The following SLC37A2 variants were observed in gnomAD, a reference collection of about 807,000 sequenced individuals.
SLC37A2 encodes solute carrier family 37 member 2, also known as glucose-6-phosphate exchanger SLC37A2.
SLC37A2 carries 59 observed loss-of-function variants against 70.7 expected under a neutral mutation model. The ratio of observed to expected loss-of-function variants is 0.83; its 90% CI spans 0.68 to 1.04. The LOEUF (loss-of-function observed/expected upper bound fraction) is 1.04. Among genes scored for constraint, SLC37A2 ranks in the 50% least tolerant of loss-of-function variants. The pLI, the probability that SLC37A2 is intolerant of heterozygous loss-of-function variation, is 0.00. For synonymous variants in SLC37A2, 257 were observed against 262.1 expected (o/e 0.98, Z 0.19); for missense variants, 580 against 658.1 (o/e 0.88, Z 1.30).
chr11:125,079,742 A>G lies in SLC37A2; in HGVS notation c.509A>G (p.Asn170Ser), dbSNP rs1949127435. ...CCCTCTGTGGTGACCTGTGTTGGCA[A>G]CTGGTTCGGGAAGGGGAAGTGAGTG... ...GWPSVVTCVG[N>S]WFGKGKRGFI... Residue 170 changes from asparagine to serine, a missense_variant, in exon 6 of 18, where the codon AAC becomes AGC. Physicochemically the swap from Asn to Ser is conservative, Grantham distance 46. Coordinates refer to ENST00000403796, the MANE Select transcript of SLC37A2 (RefSeq NM_001145290.2). 2 of 1,610,116 alleles carry G rather than the reference A, an allele frequency of 1.2e-6. No individual in the cohort carries two copies. Among genetic ancestry groups the G allele is most frequent in the Non-Finnish European group, 1.7e-6 (2 of 1,178,100 alleles).
At chr11:125,070,414 C>T (rs1949018275) in intron 1 of SLC37A2, among the ~76,000 whole-genome samples, 1 of 152,152 alleles carries the variant, frequency 6.6e-6, no homozygotes, top group African/African-American at 2.4e-5. Context: ...TTATAACACT[C>T]TCGTGCAGCA....
intron 1 of SLC37A2, among the ~76,000 whole-genome samples, chr11:125,066,220 A>C (rs1263266129): frequency 2.0e-5 from 3 of 152,226 alleles, no homozygotes; most frequent in Non-Finnish European, 4.4e-5. Flanking sequence ...TGCTTTTCTG[A>C]GACAGTATTT....
chr11:125,083,454 G>C lies in SLC37A2; in HGVS notation c.977-361G>C. 4.4e-6 allele frequency: 1 copy of C among 229,196 alleles called. No homozygotes were observed. Among genetic ancestry groups the C allele is most frequent in the Non-Finnish European group, 8.7e-6 (1 of 115,032 alleles). The allele number at this position is 229,196 out of a possible 1,614,324, so 14.2% of individuals were successfully genotyped here. ...ACGGGAAGAGTTCCTAGTGCTGCTA[G>C]GGCCGGAGTGAAGCAGAGAAAGGGC... On this transcript the variant is annotated intron_variant, in intron 10 of 17. Transcript: ENST00000403796. This position sits in a 1 kb window ranked among gnomAD's most constrained non-coding sequence, Gnocchi z 4.6.
chr11:125,073,288 G>A (rs1399377037), intron 1 of SLC37A2, among the ~76,000 whole-genome samples: 1 of 152,240 alleles, frequency 6.6e-6, no homozygotes, highest in African/African-American at 2.4e-5. Context: ...CACCATGGAA[G>A]GCCAGAGCTC....
At chr11:125,081,260 G>A (rs1462035826) in intron 7 of SLC37A2, among the ~76,000 whole-genome samples, 161 bp from the exon 8 acceptor site, 1 of 151,904 alleles carries the variant, frequency 6.6e-6, no homozygotes, top group Non-Finnish European at 1.5e-5. Flanking sequence ...CCCAGGCCCC[G>A]CTCCCTCCTG....
At chr11:125,070,573 C>G (rs1301605778) in intron 1 of SLC37A2, among the ~76,000 whole-genome samples, 1 of 152,210 alleles carries the variant, frequency 6.6e-6, no homozygotes, top group Non-Finnish European at 1.5e-5. Flanking sequence ...GTCCTATGGG[C>G]TAGCTCTCTC....
At position 125,075,797 on chromosome 11, in the gene SLC37A2, T is replaced by G. The variant is rs555226596; in HGVS notation, c.60-960T>G. 5.3e-5 allele frequency among the ~76,000 whole-genome samples: 8 copies of G among 152,292 alleles called. No individual in the cohort carries two copies. In the South Asian group the frequency reaches 6.2e-4, roughly 12 times the overall value. ...CGAGGGAGCATCCAGTGTCCTGCCCTTGGGCTCTTGGAGCCAGGACAGAAA... is the reference window on the plus strand; with the variant it reads ...CGAGGGAGCATCCAGTGTCCTGCCCGTGGGCTCTTGGAGCCAGGACAGAAA... On this transcript the variant is annotated intron_variant, in intron 1 of 17. Coordinates refer to ENST00000403796, the MANE Select transcript of SLC37A2 (RefSeq NM_001145290.2).
chr11:125,079,692 T>A lies in SLC37A2; in HGVS notation c.459T>A (p.Asn153Lys). The stretch of plus-strand genomic sequence containing the variant: ...CTTCTCTCTCCCTGCAGGTCTGTAA[T>A]GGACTCGTCCAGACCACAGGCTGGC... ...LWYFVVIQVC[N>K]GLVQTTGWPS... Residue 153 changes from asparagine (N) to lysine (K), a missense_variant, in exon 6 of 18, where the codon AAT becomes AAA. Transcript: ENST00000403796. 1 of 1,603,356 alleles carries A rather than the reference T, an allele frequency of 6.2e-7. No individual in the cohort carries two copies. The highest frequency in any genetic ancestry group is 2.2e-5 in the East Asian group (1 of 44,712).
In SLC37A2 at chr11:125,088,629, G is replaced by C. The variant is rs1345766643; in HGVS notation, c.*495G>C. ...CAGTCTTCTCTGTGCATTTCCCCAA[G>C]CTGGGCCCTCTTCTACTCTCCATTT... On this transcript the variant is annotated 3_prime_UTR_variant, in exon 18 of 18. Transcript: ENST00000403796. 1 of 154,170 alleles carries C rather than the reference G, an allele frequency of 6.5e-6. No individual in the cohort carries two copies. Among genetic ancestry groups the C allele is most frequent in the African/African-American group, 2.4e-5 (1 of 41,484 alleles). 9.6% of individuals were successfully genotyped at this position (154,170 alleles called of 1,614,324 possible). A position where few individuals can be genotyped will look rare whatever the true frequency, so the allele number is the denominator to read the frequency against.
At position 125,084,169 on chromosome 11, in the gene SLC37A2, G is replaced by A; in HGVS notation, c.1040-65G>A. On this transcript the variant is annotated intron_variant, in intron 11 of 17. Transcript: ENST00000403796. ...AGGCCAGCACTGGGGCACAGCTGGG[G>A]TGCCAGGCGAGGGGATGGCAGGGTC... The A allele has an allele frequency of 5.7e-6, 9 of 1,568,580 alleles. No homozygotes were observed. In the Admixed American group the frequency reaches 1.5e-4, roughly 26 times the overall value.
rs1435948478 is a variant in SLC37A2, at chr11:125,077,304, G to A, written c.216G>A (p.Trp72Ter). The A allele has an allele frequency of 1.1e-5, 18 of 1,606,718 alleles. No individual in the cohort carries two copies. The highest frequency in any genetic ancestry group is 1.5e-5 in the Non-Finnish European group (18 of 1,176,430). ...CTCACAGTCTCAATGACACCATGTG[G>A]TGCAGCTGGGCCCCATTTGGTAAGA... ...NDTHSLNDTM[W>*]CSWAPFDKDN... The change falls in exon 3 of 18, where the codon TGG becomes TGA. Residue 72 changes from tryptophan to a stop codon, truncating the protein, a stop_gained. Transcript: ENST00000403796. LOFTEE classifies it high-confidence loss of function.
At chr11:125,078,661 A>G (rs1489899897) in intron 4 of SLC37A2, among the ~76,000 whole-genome samples, 2 of 152,062 alleles carry the variant, frequency 1.3e-5, no homozygotes, top group African/African-American at 4.8e-5. Context: ...TGGTGGGAAG[A>G]GGAAGAGGAA....
Position 125,082,241 on chromosome 11 carries a change from C to T in SLC37A2, c.886-3C>T, listed in dbSNP as rs770549633. 6.2e-7 allele frequency: 1 copy of T among 1,613,938 alleles called. No homozygotes were observed. The highest frequency in any genetic ancestry group is 8.5e-7 in the Non-Finnish European group (1 of 1,179,914). ...CCCATGTGCCCCCTGTTGCACTCCC[C>T]AGGGCGTGGTCGAGTTCTCTCTGTG... On this transcript the variant is annotated splice_region_variant and splice_polypyrimidine_tract_variant and intron_variant, in intron 9 of 17. Coordinates refer to ENST00000403796, the MANE Select transcript of SLC37A2 (RefSeq NM_001145290.2).
intron 1 of SLC37A2, among the ~76,000 whole-genome samples, chr11:125,073,676 C>T (rs983453884): frequency 6.6e-6 from 1 of 152,250 alleles, no homozygotes; most frequent in Non-Finnish European, 1.5e-5. Flanking sequence ...AGGAATGAAA[C>T]CAGCTTTTGC....
rs567629940 is a variant in SLC37A2, at chr11:125,080,901, G to A, written c.694+121G>A. 1.0e-3 allele frequency: 780 copies of A among 783,848 alleles called. 3 individuals are homozygous for A. Among genetic ancestry groups the A allele is most frequent in the Non-Finnish European group, 9.7e-4 (540 of 558,988 alleles). 48.6% of individuals were successfully genotyped at this position (783,848 alleles called of 1,614,324 possible). ...GTGGGAGGACCAGCCGTGTGACTTT[G>A]GACAATCTTTCAGAGCCTTTATTTT... On this transcript the variant is annotated intron_variant, in intron 7 of 17. Coordinates refer to ENST00000403796, the MANE Select transcript of SLC37A2 (RefSeq NM_001145290.2). This position sits in a 1 kb window ranked among gnomAD's most constrained non-coding sequence, Gnocchi z 4.3.
chr11:125,063,810 G>A lies in SLC37A2; in HGVS notation c.59+384G>A, dbSNP rs947161967. 5.3e-5 allele frequency among the ~76,000 whole-genome samples: 8 copies of A among 152,258 alleles called. No homozygotes were observed. Among genetic ancestry groups the A allele is most frequent in the Admixed American group, 1.3e-4 (2 of 15,290 alleles). The stretch of plus-strand genomic sequence containing the variant: ...TCGAAGGCTGGGGAACCGAGGCCAG[G>A]GGATGGTAGAGGAAAGGGGTTGCCA... On this transcript the variant is annotated intron_variant, in intron 1 of 17. Coordinates refer to ENST00000403796, the MANE Select transcript of SLC37A2 (RefSeq NM_001145290.2). This position sits in a 1 kb window ranked among gnomAD's most constrained non-coding sequence, Gnocchi z 5.4.
At chr11:125,064,216 C>T (rs1028723372) in intron 1 of SLC37A2, among the ~76,000 whole-genome samples, 1 of 152,130 alleles carries the variant, frequency 6.6e-6, no homozygotes, top group Non-Finnish European at 1.5e-5. Context: ...ACGACGTGGA[C>T]CGGGCATGGT....
intron 1 of SLC37A2, among the ~76,000 whole-genome samples, chr11:125,068,769 A>G (rs1226670309): frequency 6.6e-6 from 1 of 152,260 alleles, no homozygotes; most frequent in Non-Finnish European, 1.5e-5. Context: ...ATTATTACAG[A>G]TACATATTAA....
In SLC37A2 at chr11:125,088,055, A is replaced by G. The variant is rs955598762; in HGVS notation, c.1491-64A>G. ...CTGGGACCCTGCCTTTCCTCTCCCTACTCAGCAGGAGCTTATGAAGTCATC... is the reference window on the plus strand; with the variant it reads ...CTGGGACCCTGCCTTTCCTCTCCCTGCTCAGCAGGAGCTTATGAAGTCATC... On this transcript the variant is annotated intron_variant, in intron 17 of 17. Transcript: ENST00000403796. The G allele has an allele frequency of 2.7e-5, 41 of 1,530,512 alleles. 1 individual carries two copies. In the South Asian group the frequency reaches 4.9e-4, roughly 18 times the overall value. 94.8% of individuals were successfully genotyped at this position (1,530,512 alleles called of 1,614,324 possible). A position where few individuals can be genotyped will look rare whatever the true frequency, so the allele number is the denominator to read the frequency against.
Sources: gnomAD v4.1 joint callset for allele counts (sites outside exome capture counted in the v4.1 genomes callset) on GRCh38, gnomAD v4.1.1 for gene constraint, Gnocchi (gnomAD v3.1) non-coding constraint, MANE v1.5 for transcripts, NCBI Gene and HGNC (gene_info 2026-07-23, HGNC 2026-07-21) for gene names.